The following RALY variants were observed in gnomAD, a reference collection of about 807,000 sequenced individuals.
RALY encodes the protein RNA-binding protein Raly.
Under a neutral mutation model 30.7 loss-of-function variants are expected in RALY, and 15 were observed. That is an observed-to-expected ratio of 0.49 (90% CI 0.33 to 0.75). The LOEUF is 0.75. Among genes scored for constraint, RALY ranks in the 30% least tolerant of loss-of-function variants. The pLI, the probability that RALY is intolerant of heterozygous loss-of-function variation, is 0.02. For synonymous variants in RALY, 177 were observed against 170.8 expected, an observed-to-expected ratio of 1.04 and a Z score of -0.28; for missense variants, 339 against 414.3, an observed-to-expected ratio of 0.82 and a Z score of 1.58.
chr20:34,073,783 C>T, intron 4 of RALY, 36 bp from the exon 5 acceptor site: 2 of 1,610,416 alleles, frequency 1.2e-6, no homozygotes, highest in Non-Finnish European at 1.7e-6. Flanking sequence ...GAGTGGCCGT[C>T]CCTAAGCTCC....
At chr20:34,051,771 G>T (rs543535085) in intron 2 of RALY, among the ~76,000 whole-genome samples, 197 of 151,832 alleles carry the variant, frequency 1.3e-3, no homozygotes, top group East Asian at 3.9e-3. Context: ...AATTTTTTTT[G>T]TTGTTGTTGT....
intron 8 of RALY, chr20:34,077,689 T>G: frequency 8.3e-6 from 2 of 241,884 alleles, no homozygotes; most frequent in Non-Finnish European, 1.6e-5. Flanking sequence ...TTACTAGAAC[T>G]ATTCAGGCTG....
At chr20:34,071,934 C>G in intron 2 of RALY, 132 bp from the exon 3 acceptor site, 2 of 1,020,224 alleles carry the variant, frequency 2.0e-6, no homozygotes, top group Non-Finnish European at 2.8e-6. Context: ...AAACAAGATG[C>G]AGGAACAGGT....
intron 2 of RALY, among the ~76,000 whole-genome samples, chr20:34,055,959 C>A (rs1239337750): frequency 1.3e-5 from 2 of 152,140 alleles, no homozygotes; most frequent in Non-Finnish European, 2.9e-5. Context: ...AAGGGTTTGG[C>A]ACAAGATGGG....
chr20:34,018,481 A>G (rs1221185477), intron 1 of RALY, among the ~76,000 whole-genome samples: 1 of 152,148 alleles, frequency 6.6e-6, no homozygotes, highest in Non-Finnish European at 1.5e-5. Context: ...GTGTTCTTTT[A>G]CAGAAAGAAA....
intron 1 of RALY, among the ~76,000 whole-genome samples, chr20:34,029,394 C>T (rs752023181): frequency 1.0e-4 from 15 of 150,166 alleles, no homozygotes; most frequent in Non-Finnish European, 1.6e-4. Flanking sequence ...GCCAAGATCG[C>T]GCCAGGATAT....
chr20:34,056,962 T>C (rs912578590), intron 2 of RALY, among the ~76,000 whole-genome samples: 4 of 152,206 alleles, frequency 2.6e-5, no homozygotes, highest in African/African-American at 9.7e-5. Flanking sequence ...TACAATAAGC[T>C]TTCCCTCAGA....
chr20:34,056,855 C>T (rs2033260550), intron 2 of RALY, among the ~76,000 whole-genome samples: 3 of 152,196 alleles, frequency 2.0e-5, no homozygotes, highest in Admixed American at 2.0e-4. Flanking sequence ...TTTTGGAAAG[C>T]AGTTAAGCAA....
intron 1 of RALY, among the ~76,000 whole-genome samples, chr20:34,011,525 G>T (rs749994803): frequency 1.3e-5 from 2 of 152,208 alleles, no homozygotes; most frequent in African/African-American, 2.4e-5. Flanking sequence ...GCCAAGATAG[G>T]TGGTGGTGTC....
At chr20:34,003,993 C>G (rs2031046807) in intron 1 of RALY, among the ~76,000 whole-genome samples, 1 of 152,166 alleles carries the variant, frequency 6.6e-6, no homozygotes, top group African/African-American at 2.4e-5. Flanking sequence ...GAGAAAATTG[C>G]TGTTGTTCTG....
intron 1 of RALY, among the ~76,000 whole-genome samples, chr20:34,013,779 A>G (rs2031502833): frequency 6.6e-6 from 1 of 152,212 alleles, no homozygotes; most frequent in Admixed American, 6.5e-5. Context: ...GCCAGGGGAT[A>G]GTGTGCTACT....
chr20:34,069,059 T>C (rs2033655575), intron 2 of RALY, among the ~76,000 whole-genome samples: 3 of 152,208 alleles, frequency 2.0e-5, no homozygotes, highest in Non-Finnish European at 4.4e-5. Context: ...TGCAACCACA[T>C]ACATACACTT....
At chr20:34,042,468 C>T (rs4991663) in intron 2 of RALY, among the ~76,000 whole-genome samples, 1 of 152,212 alleles carries the variant, frequency 6.6e-6, no homozygotes, top group Admixed American at 6.5e-5. Flanking sequence ...GTGACCACTT[C>T]TAACACTTGA....
At chr20:34,004,370 T>C (rs910908760) in intron 1 of RALY, among the ~76,000 whole-genome samples, 3 of 152,248 alleles carry the variant, frequency 2.0e-5, no homozygotes, top group African/African-American at 7.2e-5. Flanking sequence ...TCCCATACTA[T>C]GCAGAAGCAA....
chr20:34,052,923 A>G (rs930091846), intron 2 of RALY, among the ~76,000 whole-genome samples: 1 of 152,202 alleles, frequency 6.6e-6, no homozygotes, highest in Non-Finnish European at 1.5e-5. Flanking sequence ...GGGGGTAGGA[A>G]TGTTCTGCTG....
chr20:34,010,936 C>G (rs1380035907), intron 1 of RALY, among the ~76,000 whole-genome samples: 2 of 148,266 alleles, frequency 1.3e-5, no homozygotes, highest in African/African-American at 2.5e-5. Flanking sequence ...ACTGTGAGCT[C>G]TATGAAGGCG....
intron 1 of RALY, among the ~76,000 whole-genome samples, chr20:34,003,634 GTTTTT>G (rs775178178): frequency 1.8e-5 from 2 of 112,960 alleles, no homozygotes; most frequent in South Asian, 5.5e-4. Flanking sequence ...ATGCCAAACA[GTTTTT>G]TTTTTTTTTT....
At chr20:34,014,615 C>T (rs2031537418) in intron 1 of RALY, among the ~76,000 whole-genome samples, 1 of 152,052 alleles carries the variant, frequency 6.6e-6, no homozygotes, top group South Asian at 2.1e-4. Flanking sequence ...AAAAAAAATT[C>T]TGTTTTAAAA....
intron 2 of RALY, among the ~76,000 whole-genome samples, chr20:34,047,778 A>G (rs574476386): frequency 6.6e-6 from 1 of 152,226 alleles, no homozygotes. Flanking sequence ...GGTGCCACAC[A>G]GTACCAGATA....
Sources: gnomAD v4.1 joint callset for allele counts (sites outside exome capture counted in the v4.1 genomes callset) on GRCh38, gnomAD v4.1.1 for gene constraint, MANE v1.5 for transcripts, NCBI Gene and HGNC (gene_info 2026-07-23, HGNC 2026-07-21) for gene names.